Variants in PCCA observed in about 807,000 individuals in gnomAD.
PCCA encodes propionyl-CoA carboxylase alpha chain, mitochondrial.
A neutral mutation model predicts 101.3 loss-of-function variants in PCCA; 74 were observed. The observed-to-expected ratio is 0.73, with a 90% CI of 0.61 to 0.89. The LOEUF is 0.89. Among genes scored for constraint, PCCA ranks in the 40% least tolerant of loss-of-function variants. The probability of loss-of-function intolerance (pLI) is 0.00; values close to 1 mark genes in which losing one functional copy is unlikely to be tolerated. For missense variants in PCCA, 891 were observed against 907.0 expected (o/e 0.98, Z 0.23); for synonymous variants, 294 against 313.6 (o/e 0.94, Z 0.66).
chr13:100,375,892 G>A (rs1038809108), intron 19 of PCCA, among the ~76,000 whole-genome samples: 11 of 152,208 alleles, frequency 7.2e-5, no homozygotes, highest in Admixed American at 7.2e-4. Context: ...GTATTCAGGA[G>A]ACCCATCTCA....
intron 20 of PCCA, among the ~76,000 whole-genome samples, chr13:100,438,934 G>A (rs1275135404): frequency 6.6e-6 from 1 of 152,202 alleles, no homozygotes; most frequent in Admixed American, 6.5e-5. Context: ...TAATACAACA[G>A]TATCTTAAAC....
In PCCA at chr13:100,307,195, C is replaced by T. The variant is rs776821944; in HGVS notation, c.1288C>T (p.Arg430Ter). The change falls in exon 15 of 24, where the codon CGA becomes TGA. Residue 430 changes from arginine to a stop codon, truncating the protein, a stop_gained. Transcript: ENST00000376285. LOFTEE classifies it high-confidence loss of function. ...TTTTTTTCTTTTTTTCTCCCAGGTC[C>T]GAGTGGACAGTGGCATCCAACCAGG... ...YQEPLHLPGV[R>*]VDSGIQPGSD... The T allele has an allele frequency of 2.5e-6, 4 of 1,607,984 alleles. No homozygotes were observed. The highest frequency in any genetic ancestry group is 2.2e-5 in the East Asian group (1 of 44,836).
intron 12 of PCCA, among the ~76,000 whole-genome samples, chr13:100,280,360 A>T (rs2063998478): frequency 6.6e-6 from 1 of 150,612 alleles, no homozygotes; most frequent in South Asian, 2.1e-4. Flanking sequence ...GCCAGTGCCG[A>T]TCTCTGTGTA....
At chr13:100,309,983 A>G in intron 16 of PCCA, 75 bp downstream of exon 16, 1 of 1,058,536 alleles carries the variant, frequency 9.4e-7, no homozygotes. Context: ...GGGGTTTACC[A>G]ATGAGAATAT....
chr13:100,492,378 C>T (rs2084970463), intron 21 of PCCA, among the ~76,000 whole-genome samples: 1 of 152,102 alleles, frequency 6.6e-6, no homozygotes, highest in South Asian at 2.1e-4. Flanking sequence ...TTGTGATCCA[C>T]CTGCCTCAGC....
chr13:100,347,510 A>G (rs1422566500), intron 18 of PCCA, among the ~76,000 whole-genome samples: 4 of 152,230 alleles, frequency 2.6e-5, no homozygotes, highest in Non-Finnish European at 5.9e-5. Flanking sequence ...AACACAGAGT[A>G]TGTTATATTG....
intron 20 of PCCA, among the ~76,000 whole-genome samples, chr13:100,443,491 G>C (rs2080535789): frequency 6.6e-6 from 1 of 151,844 alleles, no homozygotes; most frequent in African/African-American, 2.4e-5. Context: ...CCCATGAGAA[G>C]TATGATGTCA....
At chr13:100,444,905 A>G (rs1484135214) in intron 20 of PCCA, among the ~76,000 whole-genome samples, 2 of 152,152 alleles carry the variant, frequency 1.3e-5, no homozygotes, top group Non-Finnish European at 2.9e-5. Flanking sequence ...TTAAAGTTGC[A>G]TATATTTGTC....
chr13:100,256,301 A>G (rs1176117638), intron 8 of PCCA, among the ~76,000 whole-genome samples: 1 of 152,112 alleles, frequency 6.6e-6, no homozygotes, highest in Admixed American at 6.6e-5. Flanking sequence ...CACTGTGCCC[A>G]GCCTAAATGG....
At chr13:100,524,762 C>G (rs953175903) in intron 22 of PCCA, among the ~76,000 whole-genome samples, 4 of 152,126 alleles carry the variant, frequency 2.6e-5, no homozygotes, top group Admixed American at 6.5e-5. Context: ...TTCCCAGCTA[C>G]TCAGGAGGCT....
chr13:100,276,515 C>G (rs2063681990), intron 12 of PCCA, among the ~76,000 whole-genome samples: 1 of 152,046 alleles, frequency 6.6e-6, no homozygotes, highest in South Asian at 2.1e-4. Context: ...ATTATTACTT[C>G]TGGAACAATC....
chr13:100,317,426 G>T (rs1428524262), intron 16 of PCCA, among the ~76,000 whole-genome samples: 1 of 152,116 alleles, frequency 6.6e-6, no homozygotes, highest in Non-Finnish European at 1.5e-5. Flanking sequence ...CTGCTTTTCT[G>T]AACCTTAATC....
intron 4 of PCCA, among the ~76,000 whole-genome samples, chr13:100,125,135 T>TTGTGTGTGTGTGTGTGTGTGTGTGTG (rs3034643): frequency 6.7e-6 from 1 of 149,126 alleles, no homozygotes; most frequent in African/African-American, 2.5e-5. Flanking sequence ...GACCTTTTAT[T>TTGTGTGTGTGTGTGTGTGTGTGTGTG]TGTGTGTGTG....
intron 4 of PCCA, among the ~76,000 whole-genome samples, chr13:100,145,424 G>C (rs562278826): frequency 1.3e-5 from 2 of 152,292 alleles, no homozygotes; most frequent in African/African-American, 4.8e-5. Flanking sequence ...TGTCCTGGGG[G>C]ACAAAATTGC....
At chr13:100,118,855 T>C (rs188296821) in intron 4 of PCCA, among the ~76,000 whole-genome samples, 1 of 152,020 alleles carries the variant, frequency 6.6e-6, no homozygotes, top group East Asian at 1.9e-4. Context: ...CAGCCAGTAA[T>C]GTTATTTTTT....
rs771438170 is a variant in PCCA, at chr13:100,515,529, G to A, written c.2002G>A (p.Gly668Arg). The change falls in exon 22 of 24, where the codon GGA becomes AGA. Residue 668 changes from glycine (G) to arginine (R), a missense_variant. By Grantham distance (125) the Gly-to-Arg change is moderately radical. Coordinates refer to ENST00000376285, the MANE Select transcript of PCCA (RefSeq NM_000282.4). ...TSSVLRSPMP[G>R]VVVAVSVKPG... ...CAGTGTTCTGCGTTCCCCGATGCCCGGAGTGGTGGTGGCCGTCTCTGTCAA... is the reference window on the plus strand; with the variant it reads ...CAGTGTTCTGCGTTCCCCGATGCCCAGAGTGGTGGTGGCCGTCTCTGTCAA... 9 of 1,614,120 alleles carry A rather than the reference G, an allele frequency of 5.6e-6. No homozygotes were observed. Among genetic ancestry groups the A allele is most frequent in the East Asian group, 2.2e-5 (1 of 44,880 alleles).
chr13:100,404,508 T>C (rs1280730628), intron 19 of PCCA, among the ~76,000 whole-genome samples: 2 of 152,136 alleles, frequency 1.3e-5, no homozygotes, highest in Non-Finnish European at 2.9e-5. Context: ...GGGTCCCGGA[T>C]GCATTCAAAA....
At chr13:100,482,201 G>A (rs548145509) in intron 21 of PCCA, among the ~76,000 whole-genome samples, 1 of 152,348 alleles carries the variant, frequency 6.6e-6, no homozygotes, top group Non-Finnish European at 1.5e-5. Flanking sequence ...GGCTGGTTTG[G>A]TCGTGAGTGC....
At chr13:100,356,060 G>A (rs966555892) in intron 18 of PCCA, among the ~76,000 whole-genome samples, 6 of 152,226 alleles carry the variant, frequency 3.9e-5, no homozygotes, top group African/African-American at 1.4e-4. Context: ...AATTGGATAT[G>A]CACATGTAAA....
Sources: gnomAD v4.1 joint callset for allele counts (sites outside exome capture counted in the v4.1 genomes callset) on GRCh38, gnomAD v4.1.1 for gene constraint, MANE v1.5 for transcripts, NCBI Gene and HGNC (gene_info 2026-07-23, HGNC 2026-07-21) for gene names.